The following GOSR1 variants were observed in gnomAD, a reference collection of about 807,000 sequenced individuals.
The protein encoded by GOSR1 is 28 kDa Golgi SNARE protein.
A neutral mutation model predicts 35.5 loss-of-function variants in GOSR1; 21 were observed. That is an observed-to-expected ratio of 0.59 (90% CI 0.42 to 0.85). The LOEUF (loss-of-function observed/expected upper bound fraction) is 0.85, where lower values mean the gene tolerates loss of function less well. Among genes scored for constraint, GOSR1 ranks in the 40% least tolerant of loss-of-function variants. The probability of loss-of-function intolerance (pLI) is 0.00; values close to 1 mark genes in which losing one functional copy is unlikely to be tolerated. For missense variants in GOSR1, 285 were observed against 309.6 expected (o/e 0.92, Z 0.60); for synonymous variants, 94 against 106.6 (o/e 0.88, Z 0.73).
intron 8 of GOSR1, among the ~76,000 whole-genome samples, chr17:30,521,725 A>G (rs1189700473): frequency 6.6e-6 from 1 of 152,210 alleles, no homozygotes; most frequent in Non-Finnish European, 1.5e-5. Flanking sequence ...TATAGACCTT[A>G]GAGTTGGTTC....
intron 6 of GOSR1, among the ~76,000 whole-genome samples, chr17:30,499,449 C>T (rs1967121733): frequency 6.7e-6 from 1 of 149,706 alleles, no homozygotes; most frequent in Non-Finnish European, 1.5e-5. Flanking sequence ...TCATGACATT[C>T]TCCTGCCTCA....
At chr17:30,507,094 A>G (rs1316244127) in intron 6 of GOSR1, among the ~76,000 whole-genome samples, 2 of 152,224 alleles carry the variant, frequency 1.3e-5, no homozygotes, top group Non-Finnish European at 2.9e-5. Context: ...ATGCCAGCCG[A>G]CACAGCATTC....
In GOSR1 at chr17:30,521,784, A is replaced by G. The variant is rs1298445125; in HGVS notation, c.623-470A>G. ...CGGGAAAAGATCAGGTATTTCTTCA[A>G]ACTCTCAGGCAGAACTCCCCAGTCT... On this transcript the variant is annotated intron_variant, in intron 8 of 8. Transcript: ENST00000451249. Among the ~76,000 whole-genome samples, 3 of 152,250 alleles carry G rather than the reference A, an allele frequency of 2.0e-5. No individual in the cohort carries two copies. In the East Asian group the frequency reaches 5.8e-4, roughly 29 times the overall value.
At chr17:30,522,196 A>C in intron 8 of GOSR1, 58 bp from the exon 9 acceptor site, 1 of 1,460,796 alleles carries the variant, frequency 6.8e-7, no homozygotes, top group South Asian at 1.4e-5. Flanking sequence ...TGTGATTCCT[A>C]CGACTTTTCG....
rs556437883 is a variant in GOSR1 at position 30,489,874 on chromosome 17, CAG to C, written c.343-249_343-248del. 1.8e-4 allele frequency among the ~76,000 whole-genome samples: 27 copies of C among 152,264 alleles called. No homozygotes were observed. In the South Asian group the frequency reaches 3.3e-3, roughly 19 times the overall value. On this transcript the variant is annotated intron_variant, in intron 4 of 8. Transcript: ENST00000451249. ...TTCTTCTTAATTCTGCCTCGTAAGA[CAG>C]AGTACTAGGAGGTACAAAGGATAGT...
At position 30,482,998 on chromosome 17, in the gene GOSR1, C is replaced by G. The variant is rs578145011; in HGVS notation, c.147-1216C>G. On this transcript the variant is annotated intron_variant, in intron 2 of 8. Transcript: ENST00000451249. ...CCTAACTCCCCTTCTAAATAAAAACCTAAGGCCATGAGGATCAGGATTTGA... is the reference window on the plus strand; with the variant it reads ...CCTAACTCCCCTTCTAAATAAAAACGTAAGGCCATGAGGATCAGGATTTGA... 4.6e-5 allele frequency: 7 copies of G among 152,224 alleles called. No homozygotes were observed. In the South Asian group the frequency reaches 1.0e-3, roughly 23 times the overall value. The allele number at this position is 152,224 out of a possible 1,614,324, so 9.4% of individuals were successfully genotyped here.
chr17:30,479,317 G>C (rs1256286562), intron 1 of GOSR1: 1 of 152,042 alleles, frequency 6.6e-6, no homozygotes, highest in African/African-American at 2.4e-5. Flanking sequence ...TCTGTGTGTG[G>C]GTGTCCAGAC....
Position 30,495,211 on chromosome 17 carries a change from A to G in GOSR1, c.509+2458A>G, listed in dbSNP as rs192225980. 6.4e-3 allele frequency among the ~76,000 whole-genome samples: 947 copies of G among 147,366 alleles called. 6 individuals are homozygous for G. Among genetic ancestry groups the G allele is most frequent in the Non-Finnish European group, 0.012 (770 of 66,762 alleles). ...TCAAAAAAAAAAAAAAAAAAAAGAC[A>G]TGGCTGATTATATTCTTGCTGTCTT... On this transcript the variant is annotated intron_variant, in intron 6 of 8. Coordinates refer to ENST00000451249, the MANE Select transcript of GOSR1 (RefSeq NM_001007025.2).
chr17:30,515,294 A>ATTTTTTT (rs35911853), intron 7 of GOSR1, among the ~76,000 whole-genome samples: 2 of 139,522 alleles, frequency 1.4e-5, no homozygotes, highest in Non-Finnish European at 1.6e-5. Context: ...TGCCCAGCTA[A>ATTTTTTT]TTTTTTTTTT....
chr17:30,495,564 A>G (rs2143730237), intron 6 of GOSR1: 1 of 374,544 alleles, frequency 2.7e-6, no homozygotes, highest in Non-Finnish European at 5.3e-6. Context: ...GGCTGGGACC[A>G]CCACCTTCTC....
intron 7 of GOSR1, among the ~76,000 whole-genome samples, chr17:30,518,528 C>T (rs1967903079): frequency 1.3e-5 from 2 of 152,180 alleles, no homozygotes; most frequent in South Asian, 4.1e-4. Flanking sequence ...AAGCACTCCT[C>T]TGAGTGTTAC....
At chr17:30,506,357 G>C (rs2143817994) in intron 6 of GOSR1, among the ~76,000 whole-genome samples, 1 of 152,302 alleles carries the variant, frequency 6.6e-6, no homozygotes, top group Admixed American at 6.5e-5. Flanking sequence ...CAAATGATAA[G>C]AAAGCAAAAC....
At chr17:30,489,731 G>A (rs1914901158) in intron 4 of GOSR1, among the ~76,000 whole-genome samples, 1 of 152,060 alleles carries the variant, frequency 6.6e-6, no homozygotes, top group Non-Finnish European at 1.5e-5. Flanking sequence ...TAAATTTTTT[G>A]TGAGAGCTCC....
At chr17:30,517,636 A>C (rs1288674821) in intron 7 of GOSR1, among the ~76,000 whole-genome samples, 1 of 148,484 alleles carries the variant, frequency 6.7e-6, no homozygotes, top group African/African-American at 2.5e-5. Context: ...ATTTTTTACT[A>C]TTCCAAAAAT....
Position 30,484,224 on chromosome 17 carries a change from A to C in GOSR1, c.157A>C (p.Thr53Pro), listed in dbSNP as rs753827063. The C allele has an allele frequency of 4.4e-6, 7 of 1,592,500 alleles. No individual in the cohort carries two copies. Among genetic ancestry groups the C allele is most frequent in the Non-Finnish European group, 6.0e-6 (7 of 1,160,358 alleles). The change falls in exon 3 of 9, where the codon ACA becomes CCA. Residue 53 changes from threonine (T) to proline (P), a missense_variant. Physicochemically the swap from Thr to Pro is conservative, Grantham distance 38 (BLOSUM62 -1). Transcript: ENST00000451249. ...TGAACTTCTTTTTAGTTCTGATACA[A>C]CACCCCTTTTAAATGGATCAAGCCA... is the stretch of plus-strand genomic sequence containing the variant. ...RDGRRDSSDT[T>P]PLLNGSSQDR...
At chr17:30,481,365 T>C (rs1914337314) in intron 2 of GOSR1, 108 bp downstream of exon 2, 1 of 734,326 alleles carries the variant, frequency 1.4e-6, no homozygotes, top group Non-Finnish European at 2.2e-6. Context: ...TGGTGAATTT[T>C]TGGTGTTTTG....
rs369366770 is a variant in GOSR1, at chr17:30,484,697, C to T, written c.269C>T (p.Thr90Ile). Reference protein sequence around the residue: ...TGVNDKMAEYTNSAGVPSLNA... With the variant: ...TGVNDKMAEYINSAGVPSLNA... ...GTAAATGATAAAATGGCAGAATATA[C>T]CAACAGTGCAGGTGTCCCCTCCTTG... The change falls in exon 4 of 9, where the codon ACC becomes ATC. Residue 90 changes from threonine (T) to isoleucine (I), a missense_variant. Thr to Ile is a moderately conservative substitution (Grantham distance 89). This residue lies in a region of GOSR1 where 9 missense variants were observed against 27.4 expected (regional missense o/e 0.33). Coordinates refer to ENST00000451249, the MANE Select transcript of GOSR1 (RefSeq NM_001007025.2). 2.5e-5 allele frequency: 40 copies of T among 1,574,976 alleles called. No individual in the cohort carries two copies. The highest frequency in any genetic ancestry group is 3.4e-4 in the Middle Eastern group (2 of 5,944).
chr17:30,525,660 C>G lies in GOSR1; in HGVS notation c.*3282C>G, dbSNP rs1423967019. On this transcript the variant is annotated 3_prime_UTR_variant, in exon 9 of 9. Transcript: ENST00000451249. ...ACCAGTCTTTTTTACTGGTCTGATT[C>G]TTTTGTGCATTCATTAAAGCTGATT... 1 of 152,072 alleles carries G rather than the reference C, an allele frequency of 6.6e-6. No individual in the cohort carries two copies. Among genetic ancestry groups the G allele is most frequent in the Non-Finnish European group, 1.5e-5 (1 of 68,002 alleles). The allele number at this position is 152,072 out of a possible 1,614,324, so 9.4% of individuals were successfully genotyped here.
At chr17:30,506,896 G>C (rs1259277854) in intron 6 of GOSR1, among the ~76,000 whole-genome samples, 3 of 152,104 alleles carry the variant, frequency 2.0e-5, no homozygotes, top group Non-Finnish European at 4.4e-5. Flanking sequence ...AATCTACCCT[G>C]CCTGTGCTCT....
Sources: gnomAD v4.1 joint callset for allele counts (sites outside exome capture counted in the v4.1 genomes callset) on GRCh38, gnomAD v4.1.1 for gene constraint, gnomAD v4.1.1 regional missense constraint, MANE v1.5 for transcripts, NCBI Gene and HGNC (gene_info 2026-07-23, HGNC 2026-07-21) for gene names.